The following PPP1R12B variants were observed in gnomAD, a reference collection of about 807,000 sequenced individuals.
The protein encoded by PPP1R12B is myosin phosphatase target subunit 2.
In PPP1R12B, 76 loss-of-function variants were observed where a neutral mutation model predicts 126.1. That is an observed-to-expected ratio of 0.60 (90% confidence interval 0.50 to 0.73). The LOEUF (loss-of-function observed/expected upper bound fraction) is 0.73. PPP1R12B is among the 30% of genes least tolerant of loss of function. The pLI, the probability that PPP1R12B is intolerant of heterozygous loss-of-function variation, is 0.00. For synonymous variants in PPP1R12B, 356 were observed against 434.7 expected, an observed-to-expected ratio of 0.82 and a Z score of 2.25; for missense variants, 1,052 against 1,205.1, an observed-to-expected ratio of 0.87 and a Z score of 1.88.
intron 18 of PPP1R12B, among the ~76,000 whole-genome samples, chr1:202,556,954 A>C (rs1687017786): frequency 6.6e-6 from 1 of 152,216 alleles, no homozygotes; most frequent in Admixed American, 6.5e-5. Flanking sequence ...CATAGCCCAT[A>C]GCCCAGGATC....
intron 18 of PPP1R12B, chr1:202,502,092 G>A (rs1680291503): frequency 2.0e-6 from 2 of 985,588 alleles, no homozygotes; most frequent in Non-Finnish European, 2.4e-6. Context: ...AAATCAGGTG[G>A]CACTCAATCT....
intron 1 of PPP1R12B, among the ~76,000 whole-genome samples, chr1:202,374,954 T>C (rs949396937): frequency 6.6e-6 from 1 of 152,070 alleles, no homozygotes; most frequent in African/African-American, 2.4e-5. Flanking sequence ...TCTTTTCTTT[T>C]TTTCTTTAGA....
At chr1:202,423,298 T>C (rs1360422125) in intron 3 of PPP1R12B, among the ~76,000 whole-genome samples, 3 of 152,194 alleles carry the variant, frequency 2.0e-5, no homozygotes, top group Admixed American at 6.5e-5. Context: ...TGGAAGTCCC[T>C]GGGTTCTTTT....
rs1437224112 is a variant in PPP1R12B, at chr1:202,581,145, TCAA to T, written c.*588_*590del. On this transcript the variant is annotated 3_prime_UTR_variant, in exon 24 of 24. Transcript: ENST00000608999. The stretch of plus-strand genomic sequence containing the variant: ...CAGGAACTGACTTTTATTTTTTCTG[TCAA>T]CACCCAGTAATCTCCCTAACTAGTT... The T allele has an allele frequency of 6.5e-6, 1 of 152,988 alleles. No homozygotes were observed. The highest frequency in any genetic ancestry group is 2.4e-5 in the African/African-American group (1 of 41,442). 9.5% of individuals were successfully genotyped at this position (152,988 alleles called of 1,614,324 possible). A position where few individuals can be genotyped will look rare whatever the true frequency, so the allele number is the denominator to read the frequency against.
chr1:202,386,769 A>G (rs1201111011), intron 1 of PPP1R12B, among the ~76,000 whole-genome samples: 1 of 151,672 alleles, frequency 6.6e-6, no homozygotes, highest in Non-Finnish European at 1.5e-5. Context: ...TGGGTAGTAT[A>G]TTTATCCTAC....
At chr1:202,510,456 G>A (rs1215660406) in intron 18 of PPP1R12B, among the ~76,000 whole-genome samples, 2 of 152,178 alleles carry the variant, frequency 1.3e-5, no homozygotes, top group African/African-American at 4.8e-5. Flanking sequence ...AGGCAAGTCT[G>A]ATGGATAGTG....
intron 18 of PPP1R12B, among the ~76,000 whole-genome samples, chr1:202,498,014 A>G (rs1423811172): frequency 1.3e-5 from 2 of 152,252 alleles, no homozygotes; most frequent in African/African-American, 4.8e-5. Flanking sequence ...TACATAGGCC[A>G]TTTAAATCCA....
chr1:202,433,595 T>A (rs367846796), intron 8 of PPP1R12B, among the ~76,000 whole-genome samples: 19 of 152,342 alleles, frequency 1.2e-4, no homozygotes, highest in African/African-American at 4.6e-4. Context: ...CTGGACTGCT[T>A]AATTTCCTCA....
intron 13 of PPP1R12B, among the ~76,000 whole-genome samples, chr1:202,478,443 G>A (rs183223141): frequency 1.4e-4 from 21 of 152,224 alleles, no homozygotes; most frequent in African/African-American, 4.8e-4. Flanking sequence ...CTGAGATAAA[G>A]AAAAATGAAT....
At chr1:202,378,032 G>T (rs1446280678) in intron 1 of PPP1R12B, among the ~76,000 whole-genome samples, 2 of 151,324 alleles carry the variant, frequency 1.3e-5, no homozygotes, top group East Asian at 2.0e-4. Flanking sequence ...TAGAGACGGG[G>T]TTTCACCGTG....
chr1:202,410,623 A>G (rs1451738186), intron 1 of PPP1R12B, among the ~76,000 whole-genome samples: 1 of 152,210 alleles, frequency 6.6e-6, no homozygotes, highest in Non-Finnish European at 1.5e-5. Flanking sequence ...TGCCTTTGAT[A>G]TGGAGAGAGC....
intron 23 of PPP1R12B, chr1:202,575,081 G>C (rs201194655): frequency 2.5e-6 from 4 of 1,613,584 alleles, no homozygotes; most frequent in Non-Finnish European, 3.4e-6. Flanking sequence ...GCCCTGACCC[G>C]AGTGGTGGCC....
chr1:202,497,775 T>A (rs1201493309), intron 18 of PPP1R12B, among the ~76,000 whole-genome samples: 1 of 152,190 alleles, frequency 6.6e-6, no homozygotes, highest in Non-Finnish European at 1.5e-5. Context: ...AAATAGTATA[T>A]AGAGGTTCCT....
chr1:202,358,104 G>C (rs948431457), intron 1 of PPP1R12B, among the ~76,000 whole-genome samples: 1 of 152,088 alleles, frequency 6.6e-6, no homozygotes, highest in Non-Finnish European at 1.5e-5. Flanking sequence ...AATCTTTAAT[G>C]GTTCAACATA....
In PPP1R12B at chr1:202,427,200, C is replaced by T. The variant is rs773786839; in HGVS notation, c.846+16C>T. On this transcript the variant is annotated intron_variant, in intron 5 of 23. Transcript: ENST00000608999. ...AAATAAACTGGTTAGTGAGCCTGAA[C>T]CTCTAAAAGAACAACGAGATTGGTG... The T allele has an allele frequency of 6.2e-7, 1 of 1,611,950 alleles. No individual in the cohort carries two copies.
chr1:202,451,258 G>C (rs1337800276), intron 13 of PPP1R12B, among the ~76,000 whole-genome samples: 3 of 149,478 alleles, frequency 2.0e-5, no homozygotes, highest in East Asian at 3.9e-4. Context: ...GTGGAGGGAA[G>C]GTCAGCAGAT....
intron 12 of PPP1R12B, among the ~76,000 whole-genome samples, chr1:202,448,775 C>T (rs1257619788): frequency 6.6e-6 from 1 of 152,170 alleles, no homozygotes; most frequent in East Asian, 1.9e-4. Context: ...ATACAAGTCT[C>T]ATAAAATGTG....
chr1:202,464,560 C>T (rs536491007), intron 13 of PPP1R12B, among the ~76,000 whole-genome samples: 1 of 152,034 alleles, frequency 6.6e-6, no homozygotes, highest in Non-Finnish European at 1.5e-5. Context: ...CACACAAGAG[C>T]GACAGGTACA....
chr1:202,427,583 C>T (rs777545038), intron 5 of PPP1R12B, among the ~76,000 whole-genome samples: 15 of 152,078 alleles, frequency 9.9e-5, no homozygotes, highest in Non-Finnish European at 1.3e-4. Context: ...TAGTGTTATT[C>T]GGTCTCACTT....
Sources: allele counts gnomAD v4.1 joint callset (sites outside exome capture counted in the v4.1 genomes callset), GRCh38; gene constraint gnomAD v4.1.1; transcripts MANE v1.5; gene names NCBI Gene and HGNC (gene_info 2026-07-23, HGNC 2026-07-21).